The following SSR1 variants were observed in gnomAD, a reference collection of about 807,000 sequenced individuals.
SSR1 encodes the protein signal sequence receptor subunit 1, also known as translocon-associated protein subunit alpha.
Under a neutral mutation model 36.1 loss-of-function variants are expected in SSR1, and 13 were observed. The observed-to-expected ratio is 0.36, with a 90% CI of 0.23 to 0.57. The LOEUF (loss-of-function observed/expected upper bound fraction) is 0.57. Ranked by LOEUF, SSR1 falls within the 20% of genes least tolerant of loss-of-function variation. The pLI is 0.81. For missense variants in SSR1, 291 were observed against 338.5 expected (o/e 0.86, Z 1.10); for synonymous variants, 113 against 118.9 (o/e 0.95, Z 0.32).
rs562691424 is a variant in SSR1, at chr6:7,299,643, A to C, written c.544-820T>G. On this transcript the variant is annotated intron_variant, in intron 4 of 7. Coordinates refer to ENST00000244763, the MANE Select transcript of SSR1 (RefSeq NM_003144.5). ...TGCCCAGAAGGCAGAGGTTGTGATG[A>C]GCCGAGATCACTCCAGCCTGAGCAA... 7.9e-5 allele frequency among the ~76,000 whole-genome samples: 12 copies of C among 151,648 alleles called. No individual in the cohort carries two copies. The South Asian group carries it at 2.5e-3, about 32-fold the overall frequency.
At chr6:7,306,869 TC>T (rs771952696) in intron 2 of SSR1, among the ~76,000 whole-genome samples, 54 of 129,274 alleles carry the variant, frequency 4.2e-4, no homozygotes, top group Admixed American at 6.7e-4. Flanking sequence ...TGAGCGGAGA[TC>T]CACGCCACTG....
chr6:7,303,483 T>C, intron 3 of SSR1, 67 bp downstream of exon 3: 4 of 1,088,596 alleles, frequency 3.7e-6, no homozygotes, highest in Non-Finnish European at 5.5e-6. Context: ...GGTATTCAGA[T>C]ATATATGAAC....
chr6:7,303,474 G>T, intron 3 of SSR1, 76 bp downstream of exon 3: 1 of 931,908 alleles, frequency 1.1e-6, no homozygotes, highest in Non-Finnish European at 1.7e-6. Flanking sequence ...ACAGATATGG[G>T]TATTCAGATA....
chr6:7,298,388 AC>A (rs1233631233), intron 5 of SSR1, among the ~76,000 whole-genome samples: 2 of 152,256 alleles, frequency 1.3e-5, no homozygotes, highest in Admixed American at 1.3e-4. Flanking sequence ...AAGAACACTT[AC>A]ATTTTTCAAG....
Position 7,289,706 on chromosome 6 carries a change from T to A in SSR1, c.*158A>T. ...ACTTTAGAAAAATGAATGCAGTGCA[T>A]TTTCAGCAATATTATCGCCACAGAC... On this transcript the variant is annotated 3_prime_UTR_variant, in exon 8 of 8. Coordinates refer to ENST00000244763, the MANE Select transcript of SSR1 (RefSeq NM_003144.5). 1 of 663,156 alleles carries A rather than the reference T, an allele frequency of 1.5e-6. No homozygotes were observed. The highest frequency in any genetic ancestry group is 2.1e-5 in the South Asian group (1 of 48,176). 41.1% of individuals were successfully genotyped at this position (663,156 alleles called of 1,614,324 possible). A position where few individuals can be genotyped will look rare whatever the true frequency, so the allele number is the denominator to read the frequency against.
intron 7 of SSR1, among the ~76,000 whole-genome samples, chr6:7,293,179 T>TTA (rs1280314823): frequency 6.6e-6 from 1 of 151,980 alleles, no homozygotes; most frequent in Non-Finnish European, 1.5e-5. Flanking sequence ...TTTCCTTTTT[T>TTA]TTTTTTTAAT....
chr6:7,295,156 C>T, intron 7 of SSR1: 1 of 1,495,770 alleles, frequency 6.7e-7, no homozygotes, highest in Non-Finnish European at 8.9e-7. Context: ...ACAGAAAATT[C>T]ACACATTCAT....
At chr6:7,307,975 A>C (rs190560092) in intron 2 of SSR1, among the ~76,000 whole-genome samples, 22 of 152,354 alleles carry the variant, frequency 1.4e-4, no homozygotes. Context: ...CTTTAATCCT[A>C]AATTCCTAGA....
Position 7,298,841 on chromosome 6 carries a change from A to G in SSR1, c.544-18T>C. On this transcript the variant is annotated intron_variant, in intron 4 of 7. Coordinates refer to ENST00000244763, the MANE Select transcript of SSR1 (RefSeq NM_003144.5). Reference sequence around the variant, plus strand: ...ACATTGCCCTGTTTAAGAAAATAAAATAATCAGAAAAATCTAAATGCAATA... The same window carrying G: ...ACATTGCCCTGTTTAAGAAAATAAAGTAATCAGAAAAATCTAAATGCAATA... The G allele has an allele frequency of 6.3e-7, 1 of 1,594,672 alleles. No individual in the cohort carries two copies. Among genetic ancestry groups the G allele is most frequent in the Non-Finnish European group, 8.6e-7 (1 of 1,164,652 alleles).
At chr6:7,292,438 C>T (rs1757704348) in intron 7 of SSR1, among the ~76,000 whole-genome samples, 1 of 152,240 alleles carries the variant, frequency 6.6e-6, no homozygotes, top group South Asian at 2.1e-4. Flanking sequence ...TCACCACTGC[C>T]TCTGCTTAGG....
In SSR1 at chr6:7,288,796, A is replaced by C. The variant is rs903683202; in HGVS notation, c.*1068T>G. Reference sequence around the variant, plus strand: ...ATTTTGGTTCCAGTCTCAAGCACTTAAGAACAATTTTTGGAATCTTTCAGG... The same window carrying C: ...ATTTTGGTTCCAGTCTCAAGCACTTCAGAACAATTTTTGGAATCTTTCAGG... On this transcript the variant is annotated 3_prime_UTR_variant, in exon 8 of 8. Transcript: ENST00000244763. 3.9e-5 allele frequency: 6 copies of C among 152,530 alleles called. No individual in the cohort carries two copies. Among genetic ancestry groups the C allele is most frequent in the African/African-American group, 1.4e-4 (6 of 41,456 alleles). 9.4% of individuals were successfully genotyped at this position (152,530 alleles called of 1,614,324 possible).
intron 5 of SSR1, 95 bp downstream of exon 5, chr6:7,298,652 A>T: frequency 1.1e-6 from 1 of 879,648 alleles, no homozygotes. Flanking sequence ...AGTTCATTCC[A>T]TCGTCAACAT....
At position 7,287,512 on chromosome 6, in the gene SSR1, C is replaced by T. The variant is rs1757581984; in HGVS notation, c.*2352G>A. 2 of 152,132 alleles carry T rather than the reference C, an allele frequency of 1.3e-5. No homozygotes were observed. The highest frequency in any genetic ancestry group is 2.4e-5 in the African/African-American group (1 of 41,438). 9.4% of individuals were successfully genotyped at this position (152,132 alleles called of 1,614,324 possible). A position where few individuals can be genotyped will look rare whatever the true frequency, so the allele number is the denominator to read the frequency against. ...ACAATGCTTTAGAGGGCAGATTAGC[C>T]CTGAAAGTCACCAGCTATGTAAGAC... is the stretch of plus-strand genomic sequence containing the variant. On this transcript the variant is annotated 3_prime_UTR_variant, in exon 8 of 8. Transcript: ENST00000244763.
chr6:7,307,028 A>C (rs75980211), intron 2 of SSR1, among the ~76,000 whole-genome samples: 8,420 of 151,890 alleles, frequency 0.055, 477 homozygotes, highest in East Asian at 0.2. Context: ...GATATCTTAG[A>C]TCTTATGAAA....
chr6:7,290,957 G>A (rs9505121), intron 7 of SSR1, among the ~76,000 whole-genome samples: 55,951 of 151,634 alleles, frequency 0.37, 10,342 homozygotes, highest in South Asian at 0.43. Context: ...GCAGTGCCAC[G>A]ATCTCCGCTC....
chr6:7,284,998 T>C lies in SSR1; in HGVS notation c.*4866A>G, dbSNP rs1757517943. On this transcript the variant is annotated 3_prime_UTR_variant, in exon 8 of 8. Coordinates refer to ENST00000244763, the MANE Select transcript of SSR1 (RefSeq NM_003144.5). ...CCTCACAGAATTGCCAATACTAGCG[T>C]ATCACCAGGAATACTTACGAACCAT... 4 of 152,342 alleles carry C rather than the reference T, an allele frequency of 2.6e-5. No individual in the cohort carries two copies. In the South Asian group the frequency reaches 8.3e-4, roughly 32 times the overall value. 9.4% of individuals were successfully genotyped at this position (152,342 alleles called of 1,614,324 possible).
At position 7,283,432 on chromosome 6, in the gene SSR1, A is replaced by C. The variant is rs1345346764; in HGVS notation, c.*6432T>G. 6.6e-6 allele frequency: 1 copy of C among 152,294 alleles called. No individual in the cohort carries two copies. The highest frequency in any genetic ancestry group is 1.5e-5 in the Non-Finnish European group (1 of 68,130). 9.4% of individuals were successfully genotyped at this position (152,294 alleles called of 1,614,324 possible). A position where few individuals can be genotyped will look rare whatever the true frequency, so the allele number is the denominator to read the frequency against. ...TGGCTAATTTTTGTATTTTTAGTAGAGGCGAGGTTTCACTATGTTCGCCAG... is the reference window on the plus strand; with the variant it reads ...TGGCTAATTTTTGTATTTTTAGTAGCGGCGAGGTTTCACTATGTTCGCCAG... On this transcript the variant is annotated 3_prime_UTR_variant, in exon 8 of 8. Transcript: ENST00000244763.
In SSR1 at chr6:7,299,873, C is replaced by T. The variant is rs74940142; in HGVS notation, c.544-1050G>A. On this transcript the variant is annotated intron_variant, in intron 4 of 7. Transcript: ENST00000244763. Reference sequence around the variant, plus strand: ...ACAGCTATTCTTCACAAAGGTAGTACATTGTCAAAACTGTCACTTATTGCT... The same window carrying T: ...ACAGCTATTCTTCACAAAGGTAGTATATTGTCAAAACTGTCACTTATTGCT... 1.3e-3 allele frequency among the ~76,000 whole-genome samples: 202 copies of T among 152,198 alleles called. 2 individuals are homozygous for T. In the East Asian group the frequency reaches 0.032, roughly 24 times the overall value.
At chr6:7,309,527 C>G (rs994123419) in intron 2 of SSR1, among the ~76,000 whole-genome samples, 1 of 152,204 alleles carries the variant, frequency 6.6e-6, no homozygotes, top group South Asian at 2.1e-4. Context: ...GTGTCCCCAA[C>G]CAAATCTCAT....
Sources: allele counts gnomAD v4.1 joint callset (sites outside exome capture counted in the v4.1 genomes callset), GRCh38; gene constraint gnomAD v4.1.1; transcripts MANE v1.5; gene names NCBI Gene and HGNC (gene_info 2026-07-23, HGNC 2026-07-21).